The following LARGE1 variants were observed in gnomAD, a reference collection of about 807,000 sequenced individuals.
LARGE1 encodes LARGE xylosyl- and glucuronyltransferase 1.
Under a neutral mutation model 87.6 loss-of-function variants are expected in LARGE1, and 43 were observed. The ratio of observed to expected loss-of-function variants is 0.49; its 90% confidence interval spans 0.38 to 0.63. LARGE1 has a LOEUF of 0.63. Among genes scored for constraint, LARGE1 ranks in the 30% least tolerant of loss-of-function variants. The probability of loss-of-function intolerance (pLI) is 0.00; values close to 1 mark genes in which losing one functional copy is unlikely to be tolerated. For synonymous variants in LARGE1, 434 were observed against 394.6 expected, an observed-to-expected ratio of 1.10 and a Z score of -1.18; for missense variants, 802 against 1,000.2, an observed-to-expected ratio of 0.80 and a Z score of 2.67.
chr22:33,479,907 G>A (rs978440690), intron 6 of LARGE1, among the ~76,000 whole-genome samples: 1 of 152,006 alleles, frequency 6.6e-6, no homozygotes, highest in Non-Finnish European at 1.5e-5. Flanking sequence ...ACCACACCCA[G>A]CTAATTTTTG....
chr22:33,345,010 T>C lies in LARGE1; in HGVS notation c.1132-7209A>G, dbSNP rs551273267. Among the ~76,000 whole-genome samples the C allele has an allele frequency of 2.0e-5, 3 of 152,318 alleles. No individual in the cohort carries two copies. In the East Asian group the frequency reaches 5.8e-4, roughly 29 times the overall value. On this transcript the variant is annotated intron_variant, in intron 9 of 14. Transcript: ENST00000397394. ...TTTTTGTAAGGAGCTGATAAGTGCA[T>C]GTGGATCTACAAGGATTGTGATGAA... is the stretch of plus-strand genomic sequence containing the variant.
chr22:33,289,955 G>A (rs919602849), intron 12 of LARGE1, among the ~76,000 whole-genome samples: 1 of 152,120 alleles, frequency 6.6e-6, no homozygotes, highest in African/African-American at 2.4e-5. Flanking sequence ...GTGAGTGTGA[G>A]TGAGCAGTGA....
intron 2 of LARGE1, among the ~76,000 whole-genome samples, chr22:33,673,849 TTG>T (rs1475465338): frequency 1.4e-5 from 1 of 73,694 alleles, no homozygotes; most frequent in Non-Finnish European, 2.8e-5. Flanking sequence ...CCAGCTAATT[TTG>T]TGTGTTGTGG....
At chr22:33,257,556 A>G (rs1271323940) in intron 11 of LARGE1, among the ~76,000 whole-genome samples, 1 of 152,214 alleles carries the variant, frequency 6.6e-6, no homozygotes, top group East Asian at 1.9e-4. Flanking sequence ...GTGAGGAGGA[A>G]GTAGACCTCC....
At chr22:33,144,630 A>G in the LARGE1 span, among the ~76,000 whole-genome samples, 2 of 152,152 alleles carry the variant, frequency 1.3e-5, no homozygotes, top group Admixed American at 6.5e-5. Context: ...TTGGCTTGAC[A>G]TCTCAGAGTG....
At chr22:33,699,763 C>T (rs532442296) in intron 2 of LARGE1, among the ~76,000 whole-genome samples, 2 of 152,152 alleles carry the variant, frequency 1.3e-5, no homozygotes, top group Admixed American at 1.3e-4. Context: ...AAAAATTGTG[C>T]CATGATTTAA....
chr22:33,818,297 A>G (rs2086716679), intron 1 of LARGE1, among the ~76,000 whole-genome samples: 1 of 152,224 alleles, frequency 6.6e-6, no homozygotes. Context: ...GTTTGTTTGT[A>G]GTCTGTCGCT....
intron 1 of LARGE1, among the ~76,000 whole-genome samples, chr22:33,787,123 T>C (rs1204602080): frequency 1.3e-5 from 2 of 152,150 alleles, no homozygotes; most frequent in African/African-American, 4.8e-5. Flanking sequence ...GTTAAGTGAA[T>C]GGCATGCTAT....
intron 6 of LARGE1, among the ~76,000 whole-genome samples, chr22:33,463,945 AT>A (rs1304277029): frequency 3.3e-5 from 5 of 152,296 alleles, no homozygotes; most frequent in African/African-American, 1.2e-4. Flanking sequence ...AAGTGCTGGG[AT>A]TACAGGTGTG....
At chr22:33,395,160 C>T (rs578193812) in intron 7 of LARGE1, among the ~76,000 whole-genome samples, 25 of 137,606 alleles carry the variant, frequency 1.8e-4, no homozygotes, top group African/African-American at 5.7e-4. Context: ...ACCCCGGAGG[C>T]GGAGCTTGCA....
chr22:33,688,696 C>A (rs1011966729), intron 2 of LARGE1, among the ~76,000 whole-genome samples: 1 of 152,102 alleles, frequency 6.6e-6, no homozygotes, highest in African/African-American at 2.4e-5. Flanking sequence ...GCACCTTCAG[C>A]CTCCTCCCCT....
downstream of LARGE1, among the ~76,000 whole-genome samples, chr22:33,269,757 G>A (rs1928144658): frequency 6.6e-6 from 1 of 152,108 alleles, no homozygotes; most frequent in African/African-American, 2.4e-5. Flanking sequence ...TGTAATCCCA[G>A]CACTTTGGGA....
At chr22:33,442,725 G>A (rs1362104200) in intron 6 of LARGE1, among the ~76,000 whole-genome samples, 1 of 151,656 alleles carries the variant, frequency 6.6e-6, no homozygotes, top group Non-Finnish European at 1.5e-5. Flanking sequence ...TGCCCTATGA[G>A]CAGAGTCAGT....
rs35446457 is a variant in LARGE1, at chr22:33,203,066, ACTCTCTCTCTCT to A, written c.1731-36246_1731-36235del. On this transcript the variant is annotated intron_variant, in intron 11 of 11. Coordinates refer to the LARGE1 transcript ENST00000608642. ...TAGAACCTAGAAAAATAGAATCTAA[ACTCTCTCTCTCT>A]CTCTCTCTCTCTCTCTCTCTCTCTG... 2.4e-3 allele frequency among the ~76,000 whole-genome samples: 341 copies of A among 139,464 alleles called. 1 individual carries two copies. The highest frequency in any genetic ancestry group is 6.5e-3 in the African/African-American group (242 of 37,272). 91.5% of individuals were successfully genotyped at this position (139,464 alleles called of 152,430 possible).
At chr22:33,748,180 G>C (rs955310973) in intron 2 of LARGE1, among the ~76,000 whole-genome samples, 1 of 148,310 alleles carries the variant, frequency 6.7e-6, no homozygotes, top group Non-Finnish European at 1.5e-5. Flanking sequence ...TCGCCAGGCT[G>C]AGGTGCAGTG....
chr22:33,328,137 G>T (rs1471208663), intron 10 of LARGE1, among the ~76,000 whole-genome samples: 1 of 152,132 alleles, frequency 6.6e-6, no homozygotes, highest in Non-Finnish European at 1.5e-5. Flanking sequence ...GGGAGTGCTG[G>T]GGTATGGGAC....
chr22:33,241,540 GTGTATATATGTATA>G (rs1464499439), intron 11 of LARGE1, among the ~76,000 whole-genome samples: 1 of 151,522 alleles, frequency 6.6e-6, no homozygotes, highest in Non-Finnish European at 1.5e-5. Context: ...GTACATATAT[GTGTATATATGTATA>G]TGTATATATG....
intron 11 of LARGE1, among the ~76,000 whole-genome samples, chr22:33,266,916 C>T (rs1390552488): frequency 6.6e-6 from 1 of 151,656 alleles, no homozygotes; most frequent in Non-Finnish European, 1.5e-5. Flanking sequence ...CTCAATCTCA[C>T]CAAGCCTCAG....
In LARGE1 at chr22:33,533,932, G is replaced by A. The variant is rs1245253967; in HGVS notation, c.787+30916C>T. On this transcript the variant is annotated intron_variant, in intron 6 of 14. Coordinates refer to ENST00000397394, the MANE Select transcript of LARGE1 (RefSeq NM_133642.5). Reference sequence around the variant, plus strand: ...TTTTCCGCTCTTCTCTGCCTTGACTGTTTCCTATCCATTTCTTTATTTTTT... The same window carrying A: ...TTTTCCGCTCTTCTCTGCCTTGACTATTTCCTATCCATTTCTTTATTTTTT... 2.0e-5 allele frequency among the ~76,000 whole-genome samples: 3 copies of A among 148,652 alleles called. No homozygotes were observed. In the East Asian group the frequency reaches 5.9e-4, roughly 29 times the overall value.
Sources: gnomAD v4.1 joint callset for allele counts (sites outside exome capture counted in the v4.1 genomes callset) on GRCh38, gnomAD v4.1.1 for gene constraint, MANE v1.5 for transcripts, NCBI Gene and HGNC (gene_info 2026-07-23, HGNC 2026-07-21) for gene names.